Variants in ST3GAL3 observed in about 807,000 individuals in gnomAD.
ST3GAL3 encodes the protein ST3 beta-galactoside alpha-2,3-sialyltransferase 3.
A neutral mutation model predicts 50.1 loss-of-function variants in ST3GAL3; 21 were observed. The ratio of observed to expected loss-of-function variants is 0.42; its 90% CI spans 0.30 to 0.60. The LOEUF is 0.60. Among genes scored for constraint, ST3GAL3 ranks in the 20% least tolerant of loss-of-function variants. ST3GAL3 has a pLI of 0.19. For synonymous variants in ST3GAL3, 183 were observed against 190.0 expected, an observed-to-expected ratio of 0.96 and a Z score of 0.30; for missense variants, 353 against 489.4, an observed-to-expected ratio of 0.72 and a Z score of 2.63.
At chr1:43,897,584 A>G (rs367898599) in intron 6 of ST3GAL3, among the ~76,000 whole-genome samples, 36 of 152,310 alleles carry the variant, frequency 2.4e-4, no homozygotes, top group African/African-American at 8.4e-4. Context: ...TAGTGGGCAC[A>G]GGTCTGAGAG....
intron 9 of ST3GAL3, among the ~76,000 whole-genome samples, chr1:43,904,260 A>T (rs2078764716): frequency 6.6e-6 from 1 of 152,058 alleles, no homozygotes. Context: ...CCAAATGGGG[A>T]TTGAATGATG....
chr1:43,761,328 AT>A (rs1439201352), intron 2 of ST3GAL3, among the ~76,000 whole-genome samples: 1 of 151,766 alleles, frequency 6.6e-6, no homozygotes. Flanking sequence ...TTTTTAGATA[AT>A]TGTGGAAATA....
intron 5 of ST3GAL3, 30 bp from the exon 6 acceptor site, chr1:43,894,353 G>A: frequency 1.9e-6 from 3 of 1,607,652 alleles, no homozygotes; most frequent in Non-Finnish European, 2.6e-6. Context: ...TTGCGTTTTT[G>A]TGATCCTCAG....
intron 5 of ST3GAL3, among the ~76,000 whole-genome samples, chr1:43,845,317 T>C (rs2066062678): frequency 6.6e-6 from 1 of 152,026 alleles, no homozygotes; most frequent in Non-Finnish European, 1.5e-5. Flanking sequence ...TATTACAAAT[T>C]AAATTTCTTT....
intron 2 of ST3GAL3, among the ~76,000 whole-genome samples, chr1:43,759,065 GCACACACACACACACACA>G (rs1553285693): frequency 1.3e-5 from 1 of 75,360 alleles, no homozygotes; most frequent in South Asian, 4.7e-4. Context: ...AAAAGCGCGC[GCACACACACACACACACA>G]CACACACACA....
At chr1:43,920,594 C>T in intron 10 of ST3GAL3, 44 bp downstream of exon 10, 1 of 1,608,400 alleles carries the variant, frequency 6.2e-7, no homozygotes, top group Non-Finnish European at 8.5e-7. Flanking sequence ...AAAGCTGGGT[C>T]AGAAGTGCCT....
At chr1:43,864,991 C>T (rs947650251) in intron 5 of ST3GAL3, among the ~76,000 whole-genome samples, 1 of 151,478 alleles carries the variant, frequency 6.6e-6, no homozygotes, top group Non-Finnish European at 1.5e-5. Context: ...CGATTTCTTC[C>T]TAGTGTAAAC....
At position 43,920,455 on chromosome 1, in the gene ST3GAL3, C is replaced by G. The variant is rs761433929; in HGVS notation, c.796C>G (p.Pro266Ala). The stretch of plus-strand genomic sequence containing the variant: ...TGTGGCCACTCGAGTGCCCAAGGAG[C>G]CCCCTGAGATTCGAATCCTCAACCC... ...KSVATRVPKE[P>A]PEIRILNPYF... Residue 266 changes from proline to alanine, a missense_variant, in exon 10 of 12, where the codon CCC (proline) becomes GCC (alanine). Transcript: ENST00000347631. 6.2e-7 allele frequency: 1 copy of G among 1,614,030 alleles called. No individual in the cohort carries two copies. Among genetic ancestry groups the G allele is most frequent in the African/African-American group, 1.3e-5 (1 of 74,906 alleles).
chr1:43,759,061 GCGCGCACA>G (rs1176401904), intron 2 of ST3GAL3, among the ~76,000 whole-genome samples: 6 of 76,574 alleles, frequency 7.8e-5, no homozygotes, highest in Admixed American at 1.1e-4. Context: ...AAACAAAAGC[GCGCGCACA>G]CACACACACA....
chr1:43,887,451 A>G (rs1415212556), intron 5 of ST3GAL3, among the ~76,000 whole-genome samples: 1 of 152,182 alleles, frequency 6.6e-6, no homozygotes, highest in Non-Finnish European at 1.5e-5. Context: ...TAGAAGGCAA[A>G]GGAGAGAAAG....
chr1:43,715,319 A>G (rs1407738795), intron 1 of ST3GAL3, among the ~76,000 whole-genome samples: 2 of 152,210 alleles, frequency 1.3e-5, no homozygotes, highest in Non-Finnish European at 2.9e-5. Context: ...CACGCCTATA[A>G]TCCCAGCACT....
intron 4 of ST3GAL3, among the ~76,000 whole-genome samples, chr1:43,833,199 C>G (rs1264822014): frequency 1.3e-5 from 2 of 152,166 alleles, no homozygotes; most frequent in African/African-American, 4.8e-5. Context: ...CCCAGTTTCC[C>G]TGGCCATCAC....
intron 3 of ST3GAL3, among the ~76,000 whole-genome samples, chr1:43,804,132 T>A (rs998436610): frequency 9.2e-5 from 14 of 152,204 alleles, no homozygotes; most frequent in African/African-American, 3.4e-4. Context: ...AGACCCAGAC[T>A]TTCATGCCAC....
intron 9 of ST3GAL3, among the ~76,000 whole-genome samples, chr1:43,906,878 G>A (rs1443777227): frequency 6.6e-6 from 1 of 152,196 alleles, no homozygotes; most frequent in East Asian, 1.9e-4. Context: ...GGTACAGAGA[G>A]GATATGTTAC....
intron 2 of ST3GAL3, among the ~76,000 whole-genome samples, chr1:43,784,239 T>C (rs994044222): frequency 1.3e-5 from 2 of 152,146 alleles, no homozygotes; most frequent in African/African-American, 4.8e-5. Flanking sequence ...CCAGGCGTGG[T>C]GGCTCGTGCC....
chr1:43,759,646 CTG>C (rs1689552916), intron 2 of ST3GAL3, among the ~76,000 whole-genome samples: 1 of 152,156 alleles, frequency 6.6e-6, no homozygotes, highest in African/African-American at 2.4e-5. Flanking sequence ...GCCTGTTGCA[CTG>C]TGTTGGCATC....
intron 1 of ST3GAL3, among the ~76,000 whole-genome samples, chr1:43,724,074 G>A (rs1290047782): frequency 6.6e-6 from 1 of 151,938 alleles, no homozygotes; most frequent in African/African-American, 2.4e-5. Flanking sequence ...TAAAATTGTT[G>A]TGTGTATATG....
intron 3 of ST3GAL3, among the ~76,000 whole-genome samples, chr1:43,811,350 ACT>A (rs947443818): frequency 5.3e-5 from 8 of 151,846 alleles, no homozygotes; most frequent in Non-Finnish European, 8.8e-5. Flanking sequence ...GAGTGTTTGC[ACT>A]CTCTGGACCT....
intron 9 of ST3GAL3, chr1:43,913,769 A>G (rs997359165): frequency 1.3e-5 from 2 of 152,202 alleles, no homozygotes; most frequent in African/African-American, 2.4e-5. Flanking sequence ...GCTCCCTGGG[A>G]TCGTGACCTA....
Sources: allele counts gnomAD v4.1 joint callset (sites outside exome capture counted in the v4.1 genomes callset), GRCh38; gene constraint gnomAD v4.1.1; transcripts MANE v1.5; gene names NCBI Gene and HGNC (gene_info 2026-07-23, HGNC 2026-07-21).